The following SLC25A24 variants were observed in gnomAD, a reference collection of about 807,000 sequenced individuals.
SLC25A24 encodes the protein solute carrier family 25 member 24.
A neutral mutation model predicts 60.7 loss-of-function variants in SLC25A24; 49 were observed. The ratio of observed to expected loss-of-function variants is 0.81; its 90% confidence interval spans 0.64 to 1.02. The LOEUF is 1.02. SLC25A24 is among the 50% of genes least tolerant of loss of function. The probability of loss-of-function intolerance (pLI) is 0.00; values close to 1 mark genes in which losing one functional copy is unlikely to be tolerated. For missense variants in SLC25A24, 564 were observed against 586.3 expected, an observed-to-expected ratio of 0.96 and a Z score of 0.39; for synonymous variants, 202 against 200.6, an observed-to-expected ratio of 1.01 and a Z score of -0.06.
intron 3 of SLC25A24, among the ~76,000 whole-genome samples, chr1:108,173,541 GA>G (rs1647557793): frequency 2.0e-5 from 3 of 152,166 alleles, no homozygotes; most frequent in Admixed American, 2.0e-4. Context: ...GCGTGAGAAT[GA>G]ACTAATACAG....
In SLC25A24 at chr1:108,148,381, C is replaced by T. The variant is rs749851311; in HGVS notation, c.828G>A (p.Lys276=). ...AVKFWAYEQY[K]KLLTEEGQKI... ...TTTGTCCTTCTTCAGTAAGTAACTT[C>T]TTGTACTGTATAAACAAGTTTTAAA... Residue 276 remains lysine (K), a synonymous_variant, in exon 7 of 10, where the codon AAG becomes AAA. Transcript: ENST00000565488. 1 of 1,581,142 alleles carries T rather than the reference C, an allele frequency of 6.3e-7. No homozygotes were observed. Among genetic ancestry groups the T allele is most frequent in the Non-Finnish European group, 8.7e-7 (1 of 1,150,094 alleles).
intron 1 of SLC25A24, among the ~76,000 whole-genome samples, chr1:108,189,252 A>G (rs1207560199): frequency 6.6e-6 from 1 of 152,162 alleles, no homozygotes; most frequent in Non-Finnish European, 1.5e-5. Flanking sequence ...TTAACAATAC[A>G]ATAGTCCTCC....
intron 7 of SLC25A24, among the ~76,000 whole-genome samples, chr1:108,147,601 G>A (rs1364791171): frequency 5.9e-5 from 9 of 152,264 alleles, no homozygotes; most frequent in East Asian, 1.9e-4. Context: ...GAAACAGTCC[G>A]TAGGTCTGTG....
rs889414314 is a variant in SLC25A24 at position 108,136,436 on chromosome 1, G to A, written c.*217C>T. The A allele has an allele frequency of 4.1e-6, 2 of 482,076 alleles. No homozygotes were observed. The highest frequency in any genetic ancestry group is 3.9e-5 in the African/African-American group (2 of 51,178). The allele number at this position is 482,076 out of a possible 1,614,324, so 29.9% of individuals were successfully genotyped here. On this transcript the variant is annotated 3_prime_UTR_variant, in exon 10 of 10. Coordinates refer to ENST00000565488, the MANE Select transcript of SLC25A24 (RefSeq NM_013386.5). ...TATTAAGAAAAGATAAAGTATAATT[G>A]TGTGGCCTTTTCAAAACACATTAAA...
chr1:108,198,691 G>T (rs1304386785), intron 1 of SLC25A24: 1 of 152,194 alleles, frequency 6.6e-6, no homozygotes, highest in Non-Finnish European at 1.5e-5. Flanking sequence ...GCACTCCAAA[G>T]AGCTTTTGTA....
chr1:108,184,321 A>G (rs1558025517), intron 2 of SLC25A24, among the ~76,000 whole-genome samples: 1 of 152,210 alleles, frequency 6.6e-6, no homozygotes, highest in Non-Finnish European at 1.5e-5. Context: ...CCTGCAAGAC[A>G]ATCTGAACTG....
intron 1 of SLC25A24, among the ~76,000 whole-genome samples, chr1:108,190,128 T>A (rs1019730864): frequency 1.3e-5 from 2 of 152,076 alleles, no homozygotes; most frequent in Admixed American, 6.5e-5. Context: ...CCCTCACTTG[T>A]GTATTGACAG....
chr1:108,174,206 G>A (rs1647585023), intron 3 of SLC25A24, among the ~76,000 whole-genome samples: 1 of 152,132 alleles, frequency 6.6e-6, no homozygotes, highest in Non-Finnish European at 1.5e-5. Flanking sequence ...AGGCCCAGGA[G>A]GAAAAAATGG....
intron 3 of SLC25A24, 75 bp from the exon 4 acceptor site, chr1:108,161,368 G>T (rs1001329298): frequency 2.6e-6 from 2 of 765,426 alleles, no homozygotes; most frequent in Non-Finnish European, 4.5e-6. Context: ...CCACTTTACA[G>T]AATGACAGTT....
chr1:108,163,690 G>C (rs565243999), intron 3 of SLC25A24, among the ~76,000 whole-genome samples: 2 of 151,308 alleles, frequency 1.3e-5, no homozygotes, highest in Non-Finnish European at 2.9e-5. Flanking sequence ...GGAGATTTTG[G>C]GCTGAGACAA....
intron 5 of SLC25A24, among the ~76,000 whole-genome samples, chr1:108,155,954 C>CAA (rs767697786): frequency 3.3e-5 from 2 of 60,682 alleles, no homozygotes. Context: ...CCACTAAACA[C>CAA]ACACACACAC....
chr1:108,151,383 A>G (rs979085216), intron 6 of SLC25A24, among the ~76,000 whole-genome samples: 2 of 152,084 alleles, frequency 1.3e-5, no homozygotes, highest in Non-Finnish European at 2.9e-5. Flanking sequence ...CTTTAAGCTC[A>G]TTTCAGCATG....
intron 2 of SLC25A24, among the ~76,000 whole-genome samples, chr1:108,182,491 T>A (rs1190085421): frequency 6.7e-6 from 1 of 149,552 alleles, no homozygotes; most frequent in African/African-American, 2.5e-5. Flanking sequence ...TAAAGAGAAG[T>A]AGTAAATGAG....
intron 1 of SLC25A24, among the ~76,000 whole-genome samples, chr1:108,195,329 A>G (rs1306574294): frequency 6.6e-6 from 1 of 152,238 alleles, no homozygotes; most frequent in Non-Finnish European, 1.5e-5. Context: ...TAAAGGGATC[A>G]ATGTACATGG....
rs147523484 is a variant in SLC25A24 at position 108,149,609 on chromosome 1, T to C, written c.823-1223A>G. Among the ~76,000 whole-genome samples the C allele has an allele frequency of 3.9e-5, 6 of 152,312 alleles. No individual in the cohort carries two copies. The East Asian group carries it at 7.7e-4, about 20-fold the overall frequency. On this transcript the variant is annotated intron_variant, in intron 6 of 9. Coordinates refer to ENST00000565488, the MANE Select transcript of SLC25A24 (RefSeq NM_013386.5). ...CTTGCTAAGACATTCTGCCCAAACATAGACCATGGGAATTAGCCAGGCAAG... is the reference window on the plus strand; with the variant it reads ...CTTGCTAAGACATTCTGCCCAAACACAGACCATGGGAATTAGCCAGGCAAG...
At chr1:108,174,938 G>A (rs941519364) in intron 3 of SLC25A24, among the ~76,000 whole-genome samples, 5 of 152,168 alleles carry the variant, frequency 3.3e-5, no homozygotes, top group African/African-American at 1.2e-4. Flanking sequence ...TTGTATCTAG[G>A]AAGTATAATA....
chr1:108,158,908 C>A (rs1382052821), intron 4 of SLC25A24, among the ~76,000 whole-genome samples: 1 of 152,058 alleles, frequency 6.6e-6, no homozygotes, highest in Non-Finnish European at 1.5e-5. Context: ...GTGGCTGAGG[C>A]AGGAGAATGG....
At chr1:108,191,102 TAA>T (rs1317934374) in intron 1 of SLC25A24, among the ~76,000 whole-genome samples, 3 of 140,066 alleles carry the variant, frequency 2.1e-5, no homozygotes, top group Non-Finnish European at 4.7e-5. Flanking sequence ...AATCTAAATA[TAA>T]GAGTGTCTTT....
At chr1:108,136,934 T>C in intron 9 of SLC25A24, 97 bp from the exon 10 acceptor site, 1 of 1,147,570 alleles carries the variant, frequency 8.7e-7, no homozygotes, top group Non-Finnish European at 1.3e-6. Flanking sequence ...TAAAATACAG[T>C]AAAAGGACAA....
Sources: allele counts gnomAD v4.1 joint callset (sites outside exome capture counted in the v4.1 genomes callset), GRCh38; gene constraint gnomAD v4.1.1; transcripts MANE v1.5; gene names NCBI Gene and HGNC (gene_info 2026-07-23, HGNC 2026-07-21).